The following AK4 variants were observed in gnomAD, a reference collection of about 807,000 sequenced individuals.
AK4 encodes adenylate kinase 4.
AK4 carries 13 observed loss-of-function variants against 24.6 expected under a neutral mutation model. The ratio of observed to expected loss-of-function variants is 0.53; its 90% CI spans 0.34 to 0.84. The LOEUF (loss-of-function observed/expected upper bound fraction) is 0.84. Ranked by LOEUF, AK4 falls within the 40% of genes least tolerant of loss-of-function variation. The pLI is 0.01. For synonymous variants in AK4, 88 were observed against 107.0 expected (o/e 0.82, Z 1.10); for missense variants, 192 against 288.2 (o/e 0.67, Z 2.42).
chr1:65,176,648 A>C (rs1650725319), intron 1 of AK4, among the ~76,000 whole-genome samples: 1 of 152,168 alleles, frequency 6.6e-6, no homozygotes. Context: ...ACAAGCCTCC[A>C]AATGCAGGGA....
In AK4 at chr1:65,194,713, C is replaced by T. The variant is rs143462757; in HGVS notation, c.265+3884C>T. On this transcript the variant is annotated intron_variant, in intron 2 of 4. Coordinates refer to ENST00000327299, the MANE Select transcript of AK4 (RefSeq NM_013410.4). The stretch of plus-strand genomic sequence containing the variant: ...ATGACCTCAGATGATCCGCCCACCT[C>T]GGCCTCCCAAAGTGTTGGGATTACA... Among the ~76,000 whole-genome samples the T allele has an allele frequency of 3.7e-3, 559 of 152,352 alleles. 4 individuals carry two copies. Among genetic ancestry groups the T allele is most frequent in the African/African-American group, 0.013 (538 of 41,578 alleles).
At chr1:65,159,772 AGCCTG>A (rs1356126345) in intron 1 of AK4, among the ~76,000 whole-genome samples, 2 of 152,252 alleles carry the variant, frequency 1.3e-5, no homozygotes, top group African/African-American at 4.8e-5. Flanking sequence ...ATTCGAGACC[AGCCTG>A]GCCAATATGG....
At chr1:65,190,452 G>A (rs532506922) in intron 1 of AK4, among the ~76,000 whole-genome samples, 1 of 149,002 alleles carries the variant, frequency 6.7e-6, no homozygotes, top group Non-Finnish European at 1.5e-5. Flanking sequence ...CTTTTTTTGG[G>A]GGGGGGGCGG....
intron 1 of AK4, among the ~76,000 whole-genome samples, chr1:65,173,475 A>G (rs1650607929): frequency 6.6e-6 from 1 of 151,978 alleles, no homozygotes; most frequent in Admixed American, 6.6e-5. Context: ...TCTTCCTCAG[A>G]TTGCATACTT....
At chr1:65,209,817 C>CT (rs1454863291) in intron 2 of AK4, among the ~76,000 whole-genome samples, 1 of 151,408 alleles carries the variant, frequency 6.6e-6, no homozygotes, top group Non-Finnish European at 1.5e-5. Context: ...TCTTTTTTTT[C>CT]TTTTTTTGAG....
rs111324227 is a variant in AK4 at position 65,172,242 on chromosome 1, C to T, written c.146-18468C>T. On this transcript the variant is annotated intron_variant, in intron 1 of 4. Transcript: ENST00000327299. ...CCTTGGTGAAGTAGCTCTACTGCAC[C>T]AAGTTAAAAAAGTTAATCGTCTTTA... is the stretch of plus-strand genomic sequence containing the variant. Among the ~76,000 whole-genome samples the T allele has an allele frequency of 1.9e-4, 28 of 150,522 alleles. 1 individual carries two copies. Among genetic ancestry groups the T allele is most frequent in the African/African-American group, 6.6e-4 (27 of 41,096 alleles).
At chr1:65,190,127 A>G (rs1651243489) in intron 1 of AK4, among the ~76,000 whole-genome samples, 1 of 152,102 alleles carries the variant, frequency 6.6e-6, no homozygotes. Flanking sequence ...TACCTCTAGG[A>G]ATTATCCAGG....
At chr1:65,152,199 C>T (rs557854337) in intron 1 of AK4, among the ~76,000 whole-genome samples, 1 of 151,422 alleles carries the variant, frequency 6.6e-6, no homozygotes, top group Non-Finnish European at 1.5e-5. Flanking sequence ...TTTAAAACCA[C>T]ATTATACTGG....
chr1:65,180,571 A>T (rs1226511414), intron 1 of AK4, among the ~76,000 whole-genome samples: 1 of 152,074 alleles, frequency 6.6e-6, no homozygotes. Context: ...TTTTTAACCA[A>T]GGTTTTTTAT....
chr1:65,216,148 T>G (rs1260917462), intron 2 of AK4, among the ~76,000 whole-genome samples: 1 of 152,214 alleles, frequency 6.6e-6, no homozygotes, highest in Admixed American at 6.5e-5. Context: ...GTGCTTTTTT[T>G]TTTTTAGACA....
chr1:65,192,315 C>T (rs563622497), intron 2 of AK4, among the ~76,000 whole-genome samples: 69 of 152,222 alleles, frequency 4.5e-4, no homozygotes, highest in African/African-American at 1.5e-3. Context: ...GAATGGGAGC[C>T]GAACTTATCC....
chr1:65,175,193 C>T (rs773068386), intron 1 of AK4, among the ~76,000 whole-genome samples: 4 of 152,190 alleles, frequency 2.6e-5, no homozygotes, highest in South Asian at 2.1e-4. Context: ...TGTGTTGGCC[C>T]GCTCAGTGGA....
intron 1 of AK4, among the ~76,000 whole-genome samples, chr1:65,161,548 A>G (rs1650165737): frequency 6.6e-6 from 1 of 152,168 alleles, no homozygotes; most frequent in Non-Finnish European, 1.5e-5. Flanking sequence ...CATTGCTTCC[A>G]TGAAGCCTTT....
At chr1:65,171,140 T>G (rs1359505606) in intron 1 of AK4, among the ~76,000 whole-genome samples, 3 of 148,872 alleles carry the variant, frequency 2.0e-5, no homozygotes, top group Non-Finnish European at 4.5e-5. Context: ...TTTTTTTTTT[T>G]TGTGCAGATA....
At chr1:65,195,540 C>G (rs749138811) in intron 2 of AK4, among the ~76,000 whole-genome samples, 1 of 152,012 alleles carries the variant, frequency 6.6e-6, no homozygotes, top group Non-Finnish European at 1.5e-5. Flanking sequence ...TGTTAAACTC[C>G]CCTGGAAAGA....
chr1:65,203,863 A>G (rs536252921), intron 2 of AK4, among the ~76,000 whole-genome samples: 1 of 152,240 alleles, frequency 6.6e-6, no homozygotes, highest in East Asian at 1.9e-4. Flanking sequence ...GTAAAACAAA[A>G]CAATGTAAAA....
intron 1 of AK4, among the ~76,000 whole-genome samples, chr1:65,174,693 G>T (rs1214468238): frequency 1.3e-5 from 2 of 152,204 alleles, no homozygotes. Context: ...GTGAGCAAAG[G>T]CTTTGGACAC....
intron 1 of AK4, among the ~76,000 whole-genome samples, chr1:65,182,095 T>A (rs555354439): frequency 6.6e-6 from 1 of 152,232 alleles, no homozygotes; most frequent in South Asian, 2.1e-4. Flanking sequence ...TTACATTTTT[T>A]ATAGAGATGG....
Position 65,168,145 on chromosome 1 carries a change from CTTTTTTT to C in AK4, c.145+19606_145+19612del, listed in dbSNP as rs3051710. Among the ~76,000 whole-genome samples, 10 of 125,238 alleles carry C rather than the reference CTTTTTTT, an allele frequency of 8.0e-5. No individual in the cohort carries two copies. The East Asian group carries it at 2.3e-3, about 29-fold the overall frequency. The allele number at this position is 125,238 out of a possible 152,430, so 82.2% of individuals were successfully genotyped here. Reference sequence around the variant, plus strand: ...GCTTTAGTAGGTTACTCTGCATATTCTTTTTTTTTTTTTTTTTTTGAGACAGAGTTTT... The same window carrying C: ...GCTTTAGTAGGTTACTCTGCATATTCTTTTTTTTTTTTGAGACAGAGTTTT... On this transcript the variant is annotated intron_variant, in intron 1 of 4. Coordinates refer to ENST00000327299, the MANE Select transcript of AK4 (RefSeq NM_013410.4).
Sources: gnomAD v4.1 joint callset for allele counts (sites outside exome capture counted in the v4.1 genomes callset) on GRCh38, gnomAD v4.1.1 for gene constraint, MANE v1.5 for transcripts, NCBI Gene and HGNC (gene_info 2026-07-23, HGNC 2026-07-21) for gene names.